The following ROBO3 variants were observed in gnomAD, a reference collection of about 807,000 sequenced individuals.
The protein encoded by ROBO3 is roundabout guidance receptor 3, also known as roundabout homolog 3.
In ROBO3, 97 loss-of-function variants were observed where a neutral mutation model predicts 160.5. The ratio of observed to expected loss-of-function variants is 0.60; its 90% confidence interval spans 0.51 to 0.72. The LOEUF (loss-of-function observed/expected upper bound fraction) is 0.72, where lower values mean the gene tolerates loss of function less well. Among genes scored for constraint, ROBO3 ranks in the 30% least tolerant of loss-of-function variants. The pLI, the probability that ROBO3 is intolerant of heterozygous loss-of-function variation, is 0.00. For synonymous variants in ROBO3, 780 were observed against 746.2 expected (o/e 1.05, Z -0.74); for missense variants, 1,858 against 1,846.5 (o/e 1.01, Z -0.11).
chr11:124,871,586 G>A (rs1185903980), intron 7 of ROBO3, among the ~76,000 whole-genome samples: 1 of 152,202 alleles, frequency 6.6e-6, no homozygotes, highest in Non-Finnish European at 1.5e-5. Context: ...TCACAAAGGA[G>A]AGCTCACAGT....
Position 124,868,913 on chromosome 11 carries a change from C to A in ROBO3, c.272C>A (p.Pro91His), listed in dbSNP as rs1207577067. The change falls in exon 2 of 28, where the codon CCC becomes CAC. Residue 91 changes from proline to histidine, a missense_variant. Coordinates refer to ENST00000397801, the MANE Select transcript of ROBO3 (RefSeq NM_022370.4). Reference protein sequence around the residue: ...ATLPCRAEGRPRPNIEWYKNG... With the variant: ...ATLPCRAEGRHRPNIEWYKNG... ...TTGCCCTGCCGCGCTGAAGGCCGAC[C>A]CCGACCCAACATTGAGTGGTACAAG... 2 of 1,607,656 alleles carry A rather than the reference C, an allele frequency of 1.2e-6. No individual in the cohort carries two copies. The highest frequency in any genetic ancestry group is 1.7e-6 in the Non-Finnish European group (2 of 1,177,774).
chr11:124,877,348 C>T, intron 19 of ROBO3, 39 bp downstream of exon 19: 2 of 1,611,606 alleles, frequency 1.2e-6, no homozygotes, highest in Non-Finnish European at 1.7e-6. Context: ...TGACCTCCAC[C>T]GACAGGCCAC....
At position 124,868,848 on chromosome 11, in the gene ROBO3, G is replaced by T; in HGVS notation, c.207G>T (p.Gln69His). Residue 69 changes from glutamine (Q) to histidine (H), a missense_variant, in exon 2 of 28, where the codon CAG becomes CAT. Coordinates refer to ENST00000397801, the MANE Select transcript of ROBO3 (RefSeq NM_022370.4). The part of the protein sequence containing the change: ...PEDAMPRIVE[Q>H]PPDLLVSRGE... ...ACGCTATGCCCCGCATCGTGGAGCA[G>T]CCGCCAGATCTGCTGGTCTCCCGAG... The T allele has an allele frequency of 6.2e-7, 1 of 1,609,986 alleles. No homozygotes were observed. Among genetic ancestry groups the T allele is most frequent in the Non-Finnish European group, 8.5e-7 (1 of 1,178,744 alleles).
At position 124,872,308 on chromosome 11, in the gene ROBO3, T is replaced by C; in HGVS notation, c.1159-73T>C. ...ATAGGAATTCTCTGAATTTTGAGAT[T>C]GACAGGAATGGGGACCTCTCCCTGC... On this transcript the variant is annotated intron_variant, in intron 7 of 27. Transcript: ENST00000397801. This position sits in a 1 kb window ranked among gnomAD's most constrained non-coding sequence, Gnocchi z 4.3. The C allele has an allele frequency of 7.5e-7, 1 of 1,333,714 alleles. No homozygotes were observed. Among genetic ancestry groups the C allele is most frequent in the Non-Finnish European group, 1.1e-6 (1 of 925,666 alleles). 82.6% of individuals were successfully genotyped at this position (1,333,714 alleles called of 1,614,324 possible). A position where few individuals can be genotyped will look rare whatever the true frequency, so the allele number is the denominator to read the frequency against.
chr11:124,876,590 CTTG>C lies in ROBO3; in HGVS notation c.2779+131_2779+133del. The C allele has an allele frequency of 2.6e-6, 2 of 761,528 alleles. No individual in the cohort carries two copies. The highest frequency in any genetic ancestry group is 3.8e-6 in the Non-Finnish European group (2 of 532,748). The allele number at this position is 761,528 out of a possible 1,614,324, so 47.2% of individuals were successfully genotyped here. Reference sequence around the variant, plus strand: ...AGGGGTCGCACCTGGAGTTCAGCCTCTTGGGTAGGGGCGGGATACGTGGGGCGA... The same window carrying C: ...AGGGGTCGCACCTGGAGTTCAGCCTCGGTAGGGGCGGGATACGTGGGGCGA... On this transcript the variant is annotated intron_variant, in intron 17 of 27. Coordinates refer to ENST00000397801, the MANE Select transcript of ROBO3 (RefSeq NM_022370.4). The surrounding 1 kb of genome is among the most constrained non-coding windows in gnomAD (Gnocchi z 5.3).
chr11:124,868,611 CG>C, intron 1 of ROBO3, 190 bp from the exon 2 acceptor site: 2 of 708,386 alleles, frequency 2.8e-6, no homozygotes, highest in East Asian at 5.4e-5. Context: ...TCCTTTGAGA[CG>C]AGGAACGCGG....
chr11:124,879,637 A>G (rs199842727), intron 25 of ROBO3, 62 bp downstream of exon 25: 25 of 1,528,152 alleles, frequency 1.6e-5, no homozygotes, highest in Admixed American at 7.4e-5. Flanking sequence ...CAGGAAACCA[A>G]GGGTGCACTC....
Position 124,873,262 on chromosome 11 carries a change from G to A in ROBO3, c.1537-48G>A. 2 of 1,546,150 alleles carry A rather than the reference G, an allele frequency of 1.3e-6. No individual in the cohort carries two copies. Among genetic ancestry groups the A allele is most frequent in the South Asian group, 1.2e-5 (1 of 85,758 alleles). On this transcript the variant is annotated intron_variant, in intron 9 of 27. Coordinates refer to ENST00000397801, the MANE Select transcript of ROBO3 (RefSeq NM_022370.4). The surrounding 1 kb of genome is among the most constrained non-coding windows in gnomAD (Gnocchi z 4.5). ...TGCTACCCGCCTCCACCCCCTCACT[G>A]GATCTTGCTCCACTCTCAGTTTGCC...
Position 124,869,838 on chromosome 11 carries a change from G to T in ROBO3, c.646-110G>T. ...CTTCCTTGGTCTCCTTTATCAGCTT[G>T]CTGTGAGGATCAAATAAACTTTATA... On this transcript the variant is annotated intron_variant, in intron 3 of 27. Coordinates refer to ENST00000397801, the MANE Select transcript of ROBO3 (RefSeq NM_022370.4). This position sits in a 1 kb window ranked among gnomAD's most constrained non-coding sequence, Gnocchi z 4.2. 6.9e-7 allele frequency: 1 copy of T among 1,441,672 alleles called. No homozygotes were observed. The highest frequency in any genetic ancestry group is 9.5e-7 in the Non-Finnish European group (1 of 1,053,548). 89.3% of individuals were successfully genotyped at this position (1,441,672 alleles called of 1,614,324 possible). A position where few individuals can be genotyped will look rare whatever the true frequency, so the allele number is the denominator to read the frequency against.
Position 124,877,644 on chromosome 11 carries a change from A to G in ROBO3, c.2972A>G (p.Asp991Gly). 1 of 1,610,964 alleles carries G rather than the reference A, an allele frequency of 6.2e-7. No individual in the cohort carries two copies. The highest frequency in any genetic ancestry group is 8.5e-7 in the Non-Finnish European group (1 of 1,178,718). ...TGCCCTAGCAATCCTGACCCGGACG[A>G]CAGATATTACAACGGTGAGGAGTTC... is the stretch of plus-strand genomic sequence containing the variant. ...SCCPSNPDPD[D>G]RYYNEAGISL... The change falls in exon 20 of 28, where the codon GAC becomes GGC. Residue 991 changes from aspartate (D) to glycine (G), a missense_variant. Coordinates refer to ENST00000397801, the MANE Select transcript of ROBO3 (RefSeq NM_022370.4).
chr11:124,867,056 C>G (rs11219817), intron 1 of ROBO3, among the ~76,000 whole-genome samples: 31,916 of 151,992 alleles, frequency 0.21, 3,464 homozygotes, highest in South Asian at 0.24. Context: ...ATTTTGCCGC[C>G]GAGAAAACGC....
Position 124,865,484 on chromosome 11 carries a change from A to T in ROBO3, c.-94A>T, listed in dbSNP as rs1946184510. 6.9e-6 allele frequency: 9 copies of T among 1,305,608 alleles called. No homozygotes were observed. The highest frequency in any genetic ancestry group is 8.4e-6 in the Non-Finnish European group (8 of 948,852). The allele number at this position is 1,305,608 out of a possible 1,614,324, so 80.9% of individuals were successfully genotyped here. On this transcript the variant is annotated 5_prime_UTR_variant, in exon 1 of 28. Coordinates refer to ENST00000397801, the MANE Select transcript of ROBO3 (RefSeq NM_022370.4). This position sits in a 1 kb window ranked among gnomAD's most constrained non-coding sequence, Gnocchi z 5.5. ...GCACCGTGGCTGCCGCAGCGCGCAG[A>T]GGCTGTGGAGGGGCTTACGGCTCCC...
At chr11:124,867,656 C>T (rs1165515650) in intron 1 of ROBO3, among the ~76,000 whole-genome samples, 1 of 152,054 alleles carries the variant, frequency 6.6e-6, no homozygotes, top group Admixed American at 6.5e-5. Flanking sequence ...ACAGCGCCAG[C>T]ACGGGTCAGC....
rs1400713736 is a variant in ROBO3, at chr11:124,870,583, G to T, written c.906-18G>T. 2 of 1,613,684 alleles carry T rather than the reference G, an allele frequency of 1.2e-6. No individual in the cohort carries two copies. The highest frequency in any genetic ancestry group is 1.1e-5 in the South Asian group (1 of 90,896). On this transcript the variant is annotated intron_variant, in intron 5 of 27. Coordinates refer to ENST00000397801, the MANE Select transcript of ROBO3 (RefSeq NM_022370.4). ...CTGTAGCTGTGGCCAACCCAGCCTG[G>T]GGTGGGGAGTGGAGCAGGTATGAGA...
In ROBO3 at chr11:124,865,538, G is replaced by GGCCCCCA. The variant is rs760911033; in HGVS notation, c.-31_-25dup. 8 of 1,599,798 alleles carry GGCCCCCA rather than the reference G, an allele frequency of 5.0e-6. No homozygotes were observed. Among genetic ancestry groups the GGCCCCCA allele is most frequent in the Non-Finnish European group, 6.0e-6 (7 of 1,175,316 alleles). On this transcript the variant is annotated 5_prime_UTR_variant, in exon 1 of 28. Transcript: ENST00000397801. The surrounding 1 kb of genome is among the most constrained non-coding windows in gnomAD (Gnocchi z 5.5). ...CCACGGGTCTCAGACCCAGGGGCTG[G>GGCCCCCA]GCCCCCAGCCCCCAGTCCCGATCCC...
chr11:124,880,943 C>T (rs1441021448), intron 27 of ROBO3, among the ~76,000 whole-genome samples: 2 of 152,134 alleles, frequency 1.3e-5, no homozygotes, highest in Non-Finnish European at 2.9e-5. Context: ...GTCCCAGCTA[C>T]TCAGGGGGCT....
At position 124,870,745 on chromosome 11, in the gene ROBO3, G is replaced by A; in HGVS notation, c.1033+17G>A. On this transcript the variant is annotated intron_variant, in intron 6 of 27. Transcript: ENST00000397801. ...GTGTTCACGGTGAGGGCTGTACTTG[G>A]GACTGCCTGCAGCAGGAATGGTAGG... 6.2e-7 allele frequency: 1 copy of A among 1,607,802 alleles called. No homozygotes were observed. Among genetic ancestry groups the A allele is most frequent in the Non-Finnish European group, 8.5e-7 (1 of 1,177,218 alleles).
In ROBO3 at chr11:124,873,838, C is replaced by T. The variant is rs750191114; in HGVS notation, c.1760C>T (p.Thr587Met). The T allele has an allele frequency of 2.5e-6, 4 of 1,613,554 alleles. No individual in the cohort carries two copies. Among genetic ancestry groups the T allele is most frequent in the East Asian group, 2.2e-5 (1 of 44,880 alleles). ...KPNPQTGAAVTSYVIEAFSPA... is the reference protein window; with the variant it reads ...KPNPQTGAAVMSYVIEAFSPA... ...AACCCACAAACTGGGGCTGCAGTCA[C>T]GTCTTATGTGATAGAGGCCTTCAGG... The change falls in exon 11 of 28, where the codon ACG (threonine) becomes ATG (methionine). Residue 587 changes from threonine to methionine, a missense_variant. Thr to Met is a moderately conservative substitution (Grantham distance 81). Coordinates refer to ENST00000397801, the MANE Select transcript of ROBO3 (RefSeq NM_022370.4). The surrounding 1 kb of genome is among the most constrained non-coding windows in gnomAD (Gnocchi z 4.5).
chr11:124,870,851 T>C (rs1393618571), intron 6 of ROBO3, 123 bp downstream of exon 6: 1 of 1,523,064 alleles, frequency 6.6e-7, no homozygotes, highest in Non-Finnish European at 8.9e-7. Flanking sequence ...CTGAGACTTC[T>C]GCAAGGAGTG....
Sources: allele counts gnomAD v4.1 joint callset (sites outside exome capture counted in the v4.1 genomes callset), GRCh38; gene constraint gnomAD v4.1.1; non-coding constraint Gnocchi (gnomAD v3.1); transcripts MANE v1.5; gene names NCBI Gene and HGNC (gene_info 2026-07-23, HGNC 2026-07-21).